The following ZNF407 variants were observed in gnomAD, a reference collection of about 807,000 sequenced individuals.
ZNF407 encodes zinc finger protein 407.
ZNF407 carries 17 observed loss-of-function variants against 131.2 expected under a neutral mutation model. That is an observed-to-expected ratio of 0.13 (90% CI 0.09 to 0.19). ZNF407 has a LOEUF of 0.19. Among genes scored for constraint, ZNF407 ranks in the 10% least tolerant of loss-of-function variants. The pLI is 1.00. For synonymous variants in ZNF407, 1,156 were observed against 1,062.0 expected (o/e 1.09, Z -1.72); for missense variants, 2,681 against 2,830.6 (o/e 0.95, Z 1.20).
chr18:74,866,880 G>A (rs1215302017), intron 4 of ZNF407, among the ~76,000 whole-genome samples: 2 of 146,434 alleles, frequency 1.4e-5, no homozygotes, highest in Admixed American at 1.4e-4. Context: ...AGTGGGCCTT[G>A]TGGCATGTAC....
chr18:74,697,177 T>A (rs1967379708), intron 3 of ZNF407, among the ~76,000 whole-genome samples: 1 of 152,180 alleles, frequency 6.6e-6, no homozygotes, highest in African/African-American at 2.4e-5. Context: ...CATGGACGTT[T>A]GCATTTCCCT....
chr18:74,831,171 T>G (rs553532349), intron 4 of ZNF407, among the ~76,000 whole-genome samples: 1 of 152,238 alleles, frequency 6.6e-6, no homozygotes, highest in African/African-American at 2.4e-5. Flanking sequence ...TATCCGTTCT[T>G]CTGCTGTTGG....
At position 74,872,767 on chromosome 18, in the gene ZNF407, A is replaced by G. The variant is rs200306551; in HGVS notation, c.4878-4430A>G. On this transcript the variant is annotated intron_variant, in intron 4 of 8. Coordinates refer to ENST00000299687, the MANE Select transcript of ZNF407 (RefSeq NM_017757.3). ...GAGACTCAGTCTCAAAAAAAAAAAG[A>G]AAAAAAAAAAAAAGAAAAGATATAC... Among the ~76,000 whole-genome samples the G allele has an allele frequency of 8.7e-3, 414 of 47,682 alleles. 1 individual carries two copies. The highest frequency in any genetic ancestry group is 0.027 in the Non-Finnish European group (345 of 12,950). The allele number at this position is 47,682 out of a possible 152,430, so 31.3% of individuals were successfully genotyped here. A position where few individuals can be genotyped will look rare whatever the true frequency, so the allele number is the denominator to read the frequency against.
intron 8 of ZNF407, among the ~76,000 whole-genome samples, chr18:75,050,009 A>G (rs920168180): frequency 6.6e-6 from 1 of 152,156 alleles, no homozygotes; most frequent in African/African-American, 2.4e-5. Context: ...ATTTTTTACT[A>G]CCGACTGCAG....
chr18:74,710,802 C>G (rs1325152136), intron 3 of ZNF407, among the ~76,000 whole-genome samples: 1 of 152,162 alleles, frequency 6.6e-6, no homozygotes, highest in African/African-American at 2.4e-5. Context: ...CCAAGTTAAT[C>G]AAATGAACTA....
In ZNF407 at chr18:74,647,431, G is replaced by A. The variant is rs918027377; in HGVS notation, c.4802+6309G>A. ...TGCCCTCCAGCCTGGGCAACAGAGC[G>A]GGACCCCGTCTCTAAAAAAAAAATC... On this transcript the variant is annotated intron_variant, in intron 3 of 8. Coordinates refer to ENST00000299687, the MANE Select transcript of ZNF407 (RefSeq NM_017757.3). Among the ~76,000 whole-genome samples the A allele has an allele frequency of 6.6e-5, 10 of 152,158 alleles. No individual in the cohort carries two copies. The South Asian group carries it at 1.7e-3, about 25-fold the overall frequency.
At chr18:74,599,336 AAATT>A (rs1265457677) in intron 1 of ZNF407, among the ~76,000 whole-genome samples, 2 of 152,168 alleles carry the variant, frequency 1.3e-5, no homozygotes, top group African/African-American at 4.8e-5. Flanking sequence ...ATTTCGGAAT[AAATT>A]AAGATTTACA....
intron 8 of ZNF407, among the ~76,000 whole-genome samples, chr18:74,944,912 G>A (rs1220980221): frequency 1.3e-5 from 2 of 151,962 alleles, no homozygotes; most frequent in Admixed American, 1.3e-4. Context: ...GTTGCAGACT[G>A]GGGATAGAAG....
At position 75,064,572 on chromosome 18, in the gene ZNF407, G is replaced by T; in HGVS notation, c.*104G>T. Reference sequence around the variant, plus strand: ...CATCTGAAACCTTCAAAACCATGAGGACAAGGCTCCCGTGAGCTCTGAGCA... The same window carrying T: ...CATCTGAAACCTTCAAAACCATGAGTACAAGGCTCCCGTGAGCTCTGAGCA... On this transcript the variant is annotated 3_prime_UTR_variant, in exon 9 of 9. Transcript: ENST00000299687. 1.8e-6 allele frequency: 2 copies of T among 1,113,284 alleles called. No homozygotes were observed. The highest frequency in any genetic ancestry group is 1.9e-5 in the South Asian group (1 of 53,468). The allele number at this position is 1,113,284 out of a possible 1,614,324, so 69.0% of individuals were successfully genotyped here. A position where few individuals can be genotyped will look rare whatever the true frequency, so the allele number is the denominator to read the frequency against.
intron 3 of ZNF407, among the ~76,000 whole-genome samples, chr18:74,777,275 C>T (rs952157464): frequency 1.3e-5 from 2 of 151,826 alleles, no homozygotes; most frequent in Non-Finnish European, 2.9e-5. Context: ...TGTTTTTACA[C>T]CAAAACAAAT....
At chr18:74,775,506 CAGAT>C (rs941826832) in intron 3 of ZNF407, among the ~76,000 whole-genome samples, 8 of 152,316 alleles carry the variant, frequency 5.3e-5, no homozygotes, top group African/African-American at 1.7e-4. Context: ...TAGACATTAT[CAGAT>C]AGTTTCTCAC....
chr18:74,739,636 C>T (rs780961714), intron 3 of ZNF407, among the ~76,000 whole-genome samples: 1 of 151,838 alleles, frequency 6.6e-6, no homozygotes, highest in Non-Finnish European at 1.5e-5. Context: ...TGATTATAAG[C>T]AAACGTATAA....
At chr18:74,934,447 G>T (rs1338491095) in intron 8 of ZNF407, among the ~76,000 whole-genome samples, 1 of 152,192 alleles carries the variant, frequency 6.6e-6, no homozygotes, top group Non-Finnish European at 1.5e-5. Context: ...GAACTTTGCT[G>T]TCTTAAATGG....
At chr18:74,926,926 G>A (rs1971921608) in intron 8 of ZNF407, among the ~76,000 whole-genome samples, 1 of 152,218 alleles carries the variant, frequency 6.6e-6, no homozygotes, top group African/African-American at 2.4e-5. Flanking sequence ...AGCAGTGTCA[G>A]AGAAGCATTT....
intron 8 of ZNF407, among the ~76,000 whole-genome samples, chr18:74,993,530 A>G (rs986676934): frequency 2.0e-5 from 3 of 152,176 alleles, no homozygotes; most frequent in Admixed American, 1.3e-4. Context: ...AAATTATTCT[A>G]TATCTTATTT....
rs573947276 is a variant in ZNF407 at position 74,738,359 on chromosome 18, G to A, written c.4803-43069G>A. On this transcript the variant is annotated intron_variant, in intron 3 of 8. Transcript: ENST00000299687. ...TGCTTGAACCCGGGAGGCGGAGGCT[G>A]CAGTGAGCCAAGATCGTGGCACTGC... 3.5e-5 allele frequency among the ~76,000 whole-genome samples: 5 copies of A among 143,776 alleles called. No individual in the cohort carries two copies. In the South Asian group the frequency reaches 1.1e-3, roughly 30 times the overall value. 94.3% of individuals were successfully genotyped at this position (143,776 alleles called of 152,430 possible). A position where few individuals can be genotyped will look rare whatever the true frequency, so the allele number is the denominator to read the frequency against.
chr18:74,855,731 C>T (rs1970850579), intron 4 of ZNF407, among the ~76,000 whole-genome samples: 1 of 152,140 alleles, frequency 6.6e-6, no homozygotes, highest in Admixed American at 6.5e-5. Context: ...CTTCTGGCCT[C>T]TTGTATAATG....
At chr18:74,815,784 C>T (rs1475619498) in intron 4 of ZNF407, among the ~76,000 whole-genome samples, 1 of 152,142 alleles carries the variant, frequency 6.6e-6, no homozygotes, top group East Asian at 1.9e-4. Context: ...TATTTCAGCA[C>T]CTCCCTATGA....
At chr18:74,995,371 G>A (rs1972768323) in intron 8 of ZNF407, among the ~76,000 whole-genome samples, 1 of 152,100 alleles carries the variant, frequency 6.6e-6, no homozygotes, top group Admixed American at 6.5e-5. Context: ...AGAGACTACT[G>A]CAGTAACCGA....
Sources: allele counts gnomAD v4.1 joint callset (sites outside exome capture counted in the v4.1 genomes callset), GRCh38; gene constraint gnomAD v4.1.1; transcripts MANE v1.5; gene names NCBI Gene and HGNC (gene_info 2026-07-23, HGNC 2026-07-21).